The following NBPF10 variants were observed in gnomAD, a reference collection of about 807,000 sequenced individuals.
NBPF10 encodes the protein NBPF family member NBPF10.
NBPF10 carries 63 observed loss-of-function variants against 77.9 expected under a neutral mutation model. That is an observed-to-expected ratio of 0.81 (90% confidence interval 0.66 to 1.00). The LOEUF is 1.00. NBPF10 is among the 50% of genes least tolerant of loss of function. The pLI is 0.00. For synonymous variants in NBPF10, 146 were observed against 264.5 expected (o/e 0.55, Z 4.35); for missense variants, 522 against 679.8 (o/e 0.77, Z 2.58).
At position 146,066,702 on chromosome 1, in the gene NBPF10, T is replaced by C. The variant is rs587742247; in HGVS notation, c.11145-141A>G. 4.5e-5 allele frequency: 26 copies of C among 580,428 alleles called. No individual in the cohort carries two copies. In the South Asian group the frequency reaches 5.2e-4, roughly 12 times the overall value. 36.0% of individuals were successfully genotyped at this position (580,428 alleles called of 1,614,324 possible). A position where few individuals can be genotyped will look rare whatever the true frequency, so the allele number is the denominator to read the frequency against. ...ATTAATGAGGTAAAAAAAAAATTTA[T>C]TGCCTTTATGTTGGGATAGAACAGG... On this transcript the variant is annotated intron_variant, in intron 89 of 89. Coordinates refer to ENST00000583866, the Ensembl canonical transcript of NBPF10.
At chr1:146,133,138 T>A (rs4659308) in intron 10 of NBPF10, among the ~76,000 whole-genome samples, 2 of 42,376 alleles carry the variant, frequency 4.7e-5, no homozygotes, top group South Asian at 7.7e-4. Context: ...GGGAACAATA[T>A]TTCCAAATAC....
rs1213507335 is a variant in NBPF10 at position 146,076,238 on chromosome 1, G to GACAC, written c.9624-201_9624-198dup. 3.9e-3 allele frequency among the ~76,000 whole-genome samples: 21 copies of GACAC among 5,334 alleles called. 2 individuals carry two copies. Among genetic ancestry groups the GACAC allele is most frequent in the Non-Finnish European group, 6.0e-3 (12 of 2,000 alleles). The allele number at this position is 5,334 out of a possible 152,430, so 3.5% of individuals were successfully genotyped here. On this transcript the variant is annotated intron_variant, in intron 77 of 89. Transcript: ENST00000583866. ...AAAGAATGAAAGAGAAAGACAGATA[G>GACAC]ACACACACACACACACACACACACA... is the stretch of plus-strand genomic sequence containing the variant.
At chr1:146,126,129 C>T (rs1460706305) in intron 14 of NBPF10, 107 bp downstream of exon 14, 2 of 773,396 alleles carry the variant, frequency 2.6e-6, no homozygotes, top group African/African-American at 3.4e-5. Flanking sequence ...TAGGTCCTCC[C>T]TGTGGCAATG....
chr1:146,076,302 C>CACACACAG (rs1290400750), intron 77 of NBPF10, among the ~76,000 whole-genome samples: 1 of 4,842 alleles, frequency 2.1e-4, no homozygotes, highest in African/African-American at 4.2e-4. Flanking sequence ...CACACACACA[C>CACACACAG]AGAGAGAGAG....
intron 5 of NBPF10, among the ~76,000 whole-genome samples, chr1:146,139,094 T>A (rs1339482438): frequency 9.5e-5 from 2 of 21,108 alleles, no homozygotes; most frequent in African/African-American, 2.7e-4. Context: ...GAGACTTACT[T>A]TTTTTTTTTT....
rs781827018 is a variant in NBPF10 at position 146,126,296 on chromosome 1, A to C, written c.1966T>G (p.Tyr656Asp). Residue 656 changes from tyrosine (Y) to aspartate (D), a missense_variant, in exon 14 of 90, where the codon TAC becomes GAC. Physicochemically the swap from Tyr to Asp is radical, Grantham distance 160. Coordinates refer to ENST00000583866, the Ensembl canonical transcript of NBPF10. Reference sequence around the variant, plus strand: ...TCCAATATGTAAAAGGCACTTCTGTAGGGCTGGCATGAGTCAGTCAGTTCA... The same window carrying C: ...TCCAATATGTAAAAGGCACTTCTGTCGGGCTGGCATGAGTCAGTCAGTTCA... 4 of 1,598,036 alleles carry C rather than the reference A, an allele frequency of 2.5e-6. No homozygotes were observed. The South Asian group carries it at 3.3e-5, about 13-fold the overall frequency.
chr1:146,125,119 C>G (rs1571185332), intron 15 of NBPF10, among the ~76,000 whole-genome samples: 1 of 42,596 alleles, frequency 2.3e-5, no homozygotes, highest in East Asian at 4.2e-4. Flanking sequence ...GGGTGACACA[C>G]TGATGAAGGG....
chr1:146,076,270 C>CAG (rs1656036770), intron 77 of NBPF10, among the ~76,000 whole-genome samples: 6 of 11,912 alleles, frequency 5.0e-4, no homozygotes, highest in Admixed American at 3.3e-3. Context: ...CACACACACA[C>CAG]ACACACACAC....
intron 13 of NBPF10, among the ~76,000 whole-genome samples, 181 bp from the exon 14 acceptor site, chr1:146,126,589 C>G (rs868928075): frequency 4.8e-5 from 5 of 105,226 alleles, no homozygotes; most frequent in Admixed American, 1.2e-4. Context: ...AAAGGATGAA[C>G]GAGAAAGACA....
At chr1:146,141,781 G>T in exon 3 of NBPF10, 1 of 1,343,172 alleles carries the variant, frequency 7.4e-7, no homozygotes, top group Non-Finnish European at 1.0e-6. Context: ...AGCTGGGTCA[G>T]CTCTCGTTCC....
intron 77 of NBPF10, among the ~76,000 whole-genome samples, chr1:146,076,302 C>CTGAGAGAGAG (rs1656048546): frequency 2.1e-4 from 1 of 4,842 alleles, no homozygotes; most frequent in African/African-American, 4.2e-4. Flanking sequence ...CACACACACA[C>CTGAGAGAGAG]AGAGAGAGAG....
intron 88 of NBPF10, 86 bp downstream of exon 88, chr1:146,067,917 G>C: frequency 2.8e-6 from 2 of 706,920 alleles, no homozygotes; most frequent in Middle Eastern, 3.7e-4. Context: ...CGTCTCTCGG[G>C]TCAGCAAGGG....
chr1:146,134,375 AC>A, intron 8 of NBPF10, 110 bp from the exon 9 acceptor site: 1 of 858,304 alleles, frequency 1.2e-6, no homozygotes, highest in East Asian at 2.5e-5. Flanking sequence ...TCACCGTTCA[AC>A]TGAAAACTCT....
In NBPF10 at chr1:146,069,543, C is replaced by A; in HGVS notation, c.10810G>T (p.Glu3604Ter). The A allele has an allele frequency of 1.1e-6, 1 of 913,640 alleles. No homozygotes were observed. The highest frequency in any genetic ancestry group is 2.2e-5 in the Admixed American group (1 of 45,366). The allele number at this position is 913,640 out of a possible 1,614,324, so 56.6% of individuals were successfully genotyped here. The change falls in exon 86 of 90, where the codon GAA becomes TAA. Residue 3604 changes from glutamate to a stop codon, truncating the protein, a stop_gained and splice_region_variant. Coordinates refer to ENST00000583866, the Ensembl canonical transcript of NBPF10. LOFTEE classifies it high-confidence loss of function. The stretch of plus-strand genomic sequence containing the variant: ...ATCACCTTCATAGAAAGGTACTCAC[C>A]ATCCATGTCAACAGCCAAGCCAACA...
intron 88 of NBPF10, among the ~76,000 whole-genome samples, chr1:146,067,683 T>A (rs1249248577): frequency 6.8e-6 from 1 of 147,280 alleles, no homozygotes; most frequent in African/African-American, 2.5e-5. Flanking sequence ...GAAATTAGAG[T>A]GAAAAAGGAA....
intron 2 of NBPF10, among the ~76,000 whole-genome samples, chr1:146,142,410 T>C (rs200186769): frequency 1.3e-4 from 18 of 134,360 alleles, no homozygotes; most frequent in Middle Eastern, 3.7e-3. Flanking sequence ...TTGTGTTATG[T>C]AAATTTCACA....
rs1553787336 is a variant in NBPF10 at position 146,115,135 on chromosome 1, G to A, written c.3715+95C>T. The A allele has an allele frequency of 5.4e-5, 4 of 74,088 alleles. 1 individual carries two copies. Among genetic ancestry groups the A allele is most frequent in the Non-Finnish European group, 1.1e-4 (4 of 37,012 alleles). The allele number at this position is 74,088 out of a possible 1,614,324, so 4.6% of individuals were successfully genotyped here. A position where few individuals can be genotyped will look rare whatever the true frequency, so the allele number is the denominator to read the frequency against. ...CATAGGTCCTGCCTGCGGCAATGAC[G>A]TCTCTCGGGTCAGTAAGGGGCACTT... On this transcript the variant is annotated intron_variant, in intron 28 of 89. Transcript: ENST00000583866.
chr1:146,139,228 T>C (rs1357947874), intron 5 of NBPF10, among the ~76,000 whole-genome samples: 7 of 148,702 alleles, frequency 4.7e-5, no homozygotes, highest in African/African-American at 1.7e-4. Flanking sequence ...GCCTCCTGAG[T>C]AGCTGGGACT....
chr1:146,067,941 G>A, intron 88 of NBPF10, 62 bp downstream of exon 88: 2 of 672,674 alleles, frequency 3.0e-6, no homozygotes, highest in Non-Finnish European at 5.3e-6. Flanking sequence ...CTTGGAATAG[G>A]AATATCACCC....
Sources: gnomAD v4.1 joint callset for allele counts (sites outside exome capture counted in the v4.1 genomes callset) on GRCh38, gnomAD v4.1.1 for gene constraint, MANE v1.5 for transcripts, NCBI Gene and HGNC (gene_info 2026-07-23, HGNC 2026-07-21) for gene names.